SLC45A4: variants seen among roughly 807,000 people sequenced by gnomAD.
SLC45A4 encodes the protein polyamine-transporter SLC45A4.
In SLC45A4, 32 loss-of-function variants were observed where a neutral mutation model predicts 63.7. That is an observed-to-expected ratio of 0.50 (90% CI 0.38 to 0.67). The LOEUF is 0.67. SLC45A4 is among the 30% of genes least tolerant of loss of function. The probability of loss-of-function intolerance (pLI) is 0.00; values close to 1 mark genes in which losing one functional copy is unlikely to be tolerated. For synonymous variants in SLC45A4, 535 were observed against 510.0 expected (o/e 1.05, Z -0.66); for missense variants, 1,027 against 1,157.7 (o/e 0.89, Z 1.64).
intron 1 of SLC45A4, among the ~76,000 whole-genome samples, chr8:141,255,107 G>C (rs1230474430): frequency 3.3e-5 from 5 of 152,182 alleles, no homozygotes; most frequent in African/African-American, 9.7e-5. Flanking sequence ...AGTTTAATTT[G>C]TTAGTGACAA....
chr8:141,254,959 T>C lies in SLC45A4; in HGVS notation c.-400-330A>G, dbSNP rs2154614700. On this transcript the variant is annotated intron_variant, in intron 1 of 8. Coordinates refer to ENST00000517878, the MANE Select transcript of SLC45A4 (RefSeq NM_001286646.2). The surrounding 1 kb of genome is among the most constrained non-coding windows in gnomAD (Gnocchi z 4.5). ...CGTCCACCCTGTGTACCACAGCACG[T>C]AACTATTCCAGCAGGCTGGAGGCAG... is the stretch of plus-strand genomic sequence containing the variant. Among the ~76,000 whole-genome samples, 1 of 152,274 alleles carries C rather than the reference T, an allele frequency of 6.6e-6. No individual in the cohort carries two copies. Among genetic ancestry groups the C allele is most frequent in the African/African-American group, 2.4e-5 (1 of 41,560 alleles).
At position 141,218,584 on chromosome 8, in the gene SLC45A4, G is replaced by C. The variant is rs1361630758; in HGVS notation, c.1056C>G (p.Ala352=). The C allele has an allele frequency of 6.2e-7, 1 of 1,613,382 alleles. No individual in the cohort carries two copies. Among genetic ancestry groups the C allele is most frequent in the African/African-American group, 1.3e-5 (1 of 74,926 alleles). Residue 352 remains alanine (A), a synonymous_variant, in exon 5 of 9, where the codon GCC becomes GCG. Coordinates refer to ENST00000517878, the MANE Select transcript of SLC45A4 (RefSeq NM_001286646.2). ...ATPRSTSQEL[A]KTKLPRLATF... Reference sequence around the variant, plus strand: ...TGGCCAGGCGGGGCAGCTTGGTCTTGGCGAGCTCCTGGCTGGTGCTGCGGG... The same window carrying C: ...TGGCCAGGCGGGGCAGCTTGGTCTTCGCGAGCTCCTGGCTGGTGCTGCGGG...
intron 1 of SLC45A4, among the ~76,000 whole-genome samples, chr8:141,255,147 C>T (rs1465417237): frequency 2.6e-5 from 4 of 152,072 alleles, no homozygotes; most frequent in South Asian, 2.1e-4. Flanking sequence ...GGCTGGAGTG[C>T]GGTCACACGA....
chr8:141,255,701 G>C (rs1248932381), intron 1 of SLC45A4, among the ~76,000 whole-genome samples: 2 of 151,880 alleles, frequency 1.3e-5, no homozygotes, highest in African/African-American at 4.8e-5. Context: ...GGGCAACAGA[G>C]TGAGACCCTG....
At position 141,215,549 on chromosome 8, in the gene SLC45A4, G is replaced by A. The variant is rs921817601; in HGVS notation, c.1941+210C>T. Among the ~76,000 whole-genome samples the A allele has an allele frequency of 5.9e-5, 9 of 152,058 alleles. No homozygotes were observed. Among genetic ancestry groups the A allele is most frequent in the Non-Finnish European group, 8.8e-5 (6 of 68,008 alleles). ...CTGGAGGTGCTAGGGGGGTGGGGGC[G>A]GCTGAAGGAGAAGACCCTTTGTGGC... On this transcript the variant is annotated intron_variant, in intron 7 of 8. Coordinates refer to ENST00000517878, the MANE Select transcript of SLC45A4 (RefSeq NM_001286646.2). This position sits in a 1 kb window ranked among gnomAD's most constrained non-coding sequence, Gnocchi z 4.3.
intron 1 of SLC45A4, among the ~76,000 whole-genome samples, chr8:141,267,128 C>A (rs545433403): frequency 1.3e-5 from 2 of 152,360 alleles, no homozygotes; most frequent in South Asian, 4.1e-4. Context: ...GCGCATATAG[C>A]AAGTGCTGCA....
chr8:141,279,881 C>T (rs1052925304), intron 1 of SLC45A4, among the ~76,000 whole-genome samples: 4 of 152,244 alleles, frequency 2.6e-5, no homozygotes, highest in Non-Finnish European at 4.4e-5. Context: ...TAAAGTTCCC[C>T]CCAAACACTC....
chr8:141,260,746 CA>C (rs1435152243), intron 1 of SLC45A4, among the ~76,000 whole-genome samples: 2 of 151,984 alleles, frequency 1.3e-5, no homozygotes, highest in Non-Finnish European at 2.9e-5. Flanking sequence ...GCTTACCAAC[CA>C]AAAAAAGTCC....
At chr8:141,270,413 C>T (rs534342645) in intron 1 of SLC45A4, among the ~76,000 whole-genome samples, 3 of 151,434 alleles carry the variant, frequency 2.0e-5, no homozygotes, top group African/African-American at 7.3e-5. Flanking sequence ...GTAGCTAACG[C>T]CTGTAATCCT....
At chr8:141,238,031 T>G in intron 2 of SLC45A4, among the ~76,000 whole-genome samples, 1 of 152,262 alleles carries the variant, frequency 6.6e-6, no homozygotes, top group African/African-American at 2.4e-5. Context: ...TCAACTATTT[T>G]GGTCAAGATC....
intron 8 of SLC45A4, chr8:141,211,976 A>G (rs868818173): frequency 7.8e-7 from 1 of 1,287,274 alleles, no homozygotes; most frequent in Non-Finnish European, 9.8e-7. Context: ...TAATTATCGA[A>G]AAAGTGGTTA....
intron 1 of SLC45A4, among the ~76,000 whole-genome samples, chr8:141,255,378 C>A (rs1828725074): frequency 6.6e-6 from 1 of 151,992 alleles, no homozygotes; most frequent in South Asian, 2.1e-4. Context: ...CCGTGCCCAG[C>A]CAAAAAGGGA....
chr8:141,283,030 G>T (rs1830011725), intron 1 of SLC45A4, among the ~76,000 whole-genome samples: 1 of 152,272 alleles, frequency 6.6e-6, no homozygotes. Flanking sequence ...GCCAGCAGAA[G>T]TTTCTGGCAA....
At chr8:141,260,134 CG>C (rs1259499919) in intron 1 of SLC45A4, among the ~76,000 whole-genome samples, 1 of 152,166 alleles carries the variant, frequency 6.6e-6, no homozygotes, top group Non-Finnish European at 1.5e-5. Flanking sequence ...GCACAGTACA[CG>C]GATTTTACAC....
chr8:141,225,285 T>C (rs1476288182), intron 2 of SLC45A4: 2 of 152,238 alleles, frequency 1.3e-5, no homozygotes, highest in Non-Finnish European at 2.9e-5. Context: ...CATGGTTTTA[T>C]TTAACACGAG....
chr8:141,240,350 C>T (rs984152779), intron 2 of SLC45A4, among the ~76,000 whole-genome samples: 1 of 152,208 alleles, frequency 6.6e-6, no homozygotes, highest in African/African-American at 2.4e-5. Context: ...CATGATTTTC[C>T]TTTTCCCCTG....
intron 1 of SLC45A4, among the ~76,000 whole-genome samples, chr8:141,305,767 A>G (rs765275814): frequency 4.6e-5 from 7 of 152,064 alleles, no homozygotes; most frequent in Non-Finnish European, 1.0e-4. Context: ...TCACAGCCCG[A>G]ACCCCTGCGC....
At chr8:141,303,298 A>ATT (rs1461905227) in intron 1 of SLC45A4, among the ~76,000 whole-genome samples, 36 of 127,716 alleles carry the variant, frequency 2.8e-4, no homozygotes, top group African/African-American at 1.1e-3. Context: ...TGCCCGGCTA[A>ATT]TTTTTGTTTT....
chr8:141,263,595 T>C (rs1457636146), intron 1 of SLC45A4, among the ~76,000 whole-genome samples: 1 of 148,974 alleles, frequency 6.7e-6, no homozygotes, highest in East Asian at 1.9e-4. Context: ...AAACCCCATC[T>C]CTACTTAAAA....
Sources: gnomAD v4.1 joint callset for allele counts (sites outside exome capture counted in the v4.1 genomes callset) on GRCh38, gnomAD v4.1.1 for gene constraint, Gnocchi (gnomAD v3.1) non-coding constraint, MANE v1.5 for transcripts, NCBI Gene and HGNC (gene_info 2026-07-23, HGNC 2026-07-21) for gene names.